The following NTNG1 variants were observed in gnomAD, a reference collection of about 807,000 sequenced individuals.
NTNG1 encodes netrin G1.
In NTNG1, 16 loss-of-function variants were observed where a neutral mutation model predicts 54.0. The observed-to-expected ratio is 0.30, with a 90% CI of 0.20 to 0.45. NTNG1 has a LOEUF of 0.45. Among genes scored for constraint, NTNG1 ranks in the 20% least tolerant of loss-of-function variants. The pLI, the probability that NTNG1 is intolerant of heterozygous loss-of-function variation, is 1.00. For missense variants in NTNG1, 530 were observed against 678.7 expected, an observed-to-expected ratio of 0.78 and a Z score of 2.43; for synonymous variants, 255 against 263.1, an observed-to-expected ratio of 0.97 and a Z score of 0.30.
At position 107,468,366 on chromosome 1, in the gene NTNG1, G is replaced by A. The variant is rs1463199649; in HGVS notation, c.1391-12245G>A. 3.9e-5 allele frequency among the ~76,000 whole-genome samples: 6 copies of A among 152,226 alleles called. No individual in the cohort carries two copies. In the East Asian group the frequency reaches 5.8e-4, roughly 15 times the overall value. On this transcript the variant is annotated intron_variant, in intron 7 of 7. Transcript: ENST00000370068. ...GAAATTCTGCCTTTTAAAAAAACGCGTATTTGAATTGATGACACAATTATC... is the reference window on the plus strand; with the variant it reads ...GAAATTCTGCCTTTTAAAAAAACGCATATTTGAATTGATGACACAATTATC...
At chr1:107,344,061 A>T (rs1669076756) in intron 3 of NTNG1, among the ~76,000 whole-genome samples, 1 of 152,128 alleles carries the variant, frequency 6.6e-6, no homozygotes, top group South Asian at 2.1e-4. Flanking sequence ...AGAAAAAAAA[A>T]AATCTTACAT....
intron 5 of NTNG1, among the ~76,000 whole-genome samples, chr1:107,419,963 A>C (rs1049675884): frequency 1.4e-4 from 21 of 152,062 alleles, no homozygotes; most frequent in African/African-American, 5.1e-4. Flanking sequence ...TGCCCCTATT[A>C]GTATAATTCT....
chr1:107,158,778 A>G (rs1379632240), intron 2 of NTNG1, among the ~76,000 whole-genome samples: 1 of 152,188 alleles, frequency 6.6e-6, no homozygotes, highest in Non-Finnish European at 1.5e-5. Context: ...ACTGGTAGAA[A>G]AGATTAGACA....
At chr1:107,228,604 T>C (rs1660841882) in intron 2 of NTNG1, among the ~76,000 whole-genome samples, 1 of 152,158 alleles carries the variant, frequency 6.6e-6, no homozygotes, top group East Asian at 1.9e-4. Context: ...TGCCACCCTA[T>C]GGGTGAGATA....
chr1:107,354,550 T>A (rs959382907), intron 3 of NTNG1, among the ~76,000 whole-genome samples: 6 of 151,494 alleles, frequency 4.0e-5, no homozygotes, highest in African/African-American at 1.5e-4. Context: ...CCAGTCAGTA[T>A]GGGTGGAAAC....
intron 2 of NTNG1, among the ~76,000 whole-genome samples, chr1:107,307,550 A>G (rs1666763738): frequency 6.6e-6 from 1 of 152,242 alleles, no homozygotes; most frequent in Non-Finnish European, 1.5e-5. Flanking sequence ...ACTGAGACAC[A>G]AAGAATTCAC....
chr1:107,159,465 C>A (rs1319690659), intron 2 of NTNG1, among the ~76,000 whole-genome samples: 2 of 152,232 alleles, frequency 1.3e-5, no homozygotes, highest in East Asian at 3.9e-4. Context: ...TGGTGTCATG[C>A]ACTGTACTGA....
At chr1:107,384,242 C>G (rs754213499) in intron 3 of NTNG1, among the ~76,000 whole-genome samples, 8 of 152,182 alleles carry the variant, frequency 5.3e-5, no homozygotes, top group Non-Finnish European at 1.2e-4. Flanking sequence ...TTACTATTAT[C>G]TAATAGAACC....
In NTNG1 at chr1:107,222,627, T is replaced by C. The variant is rs1261457004; in HGVS notation, c.246+73788T>C. ...GGGAGCATACTAGGTGTGCCAAATA[T>C]TGTTGGATGATTGAAACAATGCCCG... On this transcript the variant is annotated intron_variant, in intron 2 of 7. Coordinates refer to ENST00000370068, the MANE Select transcript of NTNG1 (RefSeq NM_001113226.3). Among the ~76,000 whole-genome samples, 3 of 152,076 alleles carry C rather than the reference T, an allele frequency of 2.0e-5. 1 individual carries two copies. Among genetic ancestry groups the C allele is most frequent in the South Asian group, 4.2e-4 (2 of 4,814 alleles).
At chr1:107,309,802 C>G (rs1377742308) in intron 2 of NTNG1, among the ~76,000 whole-genome samples, 1 of 152,134 alleles carries the variant, frequency 6.6e-6, no homozygotes, top group Admixed American at 6.5e-5. Context: ...AACATTTCTA[C>G]CCAGCTTTTA....
chr1:107,433,657 G>A (rs1675419399), intron 6 of NTNG1, among the ~76,000 whole-genome samples: 1 of 152,200 alleles, frequency 6.6e-6, no homozygotes, highest in Non-Finnish European at 1.5e-5. Context: ...TTTCAAGAAT[G>A]AATAGAAAAA....
intron 5 of NTNG1, among the ~76,000 whole-genome samples, chr1:107,429,158 T>C (rs1413074310): frequency 6.7e-6 from 1 of 149,096 alleles, no homozygotes; most frequent in Non-Finnish European, 1.5e-5. Context: ...TTGCCTCTCT[T>C]TTAGCAACTG....
intron 6 of NTNG1, among the ~76,000 whole-genome samples, chr1:107,433,219 C>A (rs1036261120): frequency 6.6e-6 from 1 of 152,140 alleles, no homozygotes; most frequent in African/African-American, 2.4e-5. Flanking sequence ...TTGGTGAACA[C>A]AAAGGAGTGC....
chr1:107,259,370 A>G (rs958149808), intron 2 of NTNG1, among the ~76,000 whole-genome samples: 1 of 152,174 alleles, frequency 6.6e-6, no homozygotes, highest in Non-Finnish European at 1.5e-5. Flanking sequence ...GAATAAATTG[A>G]CAAGGTTTCC....
At chr1:107,325,743 A>T (rs1014786438) in intron 3 of NTNG1, among the ~76,000 whole-genome samples, 1 of 152,084 alleles carries the variant, frequency 6.6e-6, no homozygotes, top group Non-Finnish European at 1.5e-5. Context: ...CGACCACCTG[A>T]TGGGAGTGGA....
Position 107,161,670 on chromosome 1 carries a change from A to T in NTNG1, c.246+12831A>T, listed in dbSNP as rs187586988. Among the ~76,000 whole-genome samples, 464 of 151,988 alleles carry T rather than the reference A, an allele frequency of 3.1e-3. 3 individuals carry two copies. The highest frequency in any genetic ancestry group is 0.011 in the African/African-American group (444 of 41,466). On this transcript the variant is annotated intron_variant, in intron 2 of 7. Transcript: ENST00000370068. The stretch of plus-strand genomic sequence containing the variant: ...AGTGAAACTGTGTCTCAAAAAAAAA[A>T]AAAGAAAAAAAGAAAAAACACCAAA...
chr1:107,168,270 C>T (rs1336990815), intron 2 of NTNG1, among the ~76,000 whole-genome samples: 1 of 151,540 alleles, frequency 6.6e-6, no homozygotes, highest in Non-Finnish European at 1.5e-5. Context: ...ACTTTAGAAT[C>T]CTGTCAAAAA....
At chr1:107,389,963 C>A (rs1011503854) in intron 3 of NTNG1, among the ~76,000 whole-genome samples, 3 of 152,180 alleles carry the variant, frequency 2.0e-5, no homozygotes, top group African/African-American at 7.2e-5. Context: ...CTCTACACAT[C>A]GTGAGGCCGG....
chr1:107,246,508 G>A (rs913799178), intron 2 of NTNG1, among the ~76,000 whole-genome samples: 7 of 151,888 alleles, frequency 4.6e-5, no homozygotes, highest in Admixed American at 1.3e-4. Context: ...TTTACAATGG[G>A]GAAATACCTT....
Sources: allele counts gnomAD v4.1 joint callset (sites outside exome capture counted in the v4.1 genomes callset), GRCh38; gene constraint gnomAD v4.1.1; transcripts MANE v1.5; gene names NCBI Gene and HGNC (gene_info 2026-07-23, HGNC 2026-07-21).